The following MDN1 variants were observed in gnomAD, a reference collection of about 807,000 sequenced individuals.
MDN1 encodes midasin.
In MDN1, 266 loss-of-function variants were observed where a neutral mutation model predicts 669.2. The observed-to-expected ratio is 0.40, with a 90% CI of 0.36 to 0.44. MDN1 has a LOEUF of 0.44. MDN1 is among the 20% of genes least tolerant of loss of function. The pLI is 1.00. For missense variants in MDN1, 5,940 were observed against 6,754.0 expected (o/e 0.88, Z 4.22); for synonymous variants, 2,385 against 2,457.1 (o/e 0.97, Z 0.87).
rs541250149 is a variant in MDN1, at chr6:89,749,485, GAAAA to G, written c.3615+54_3615+57del. 37 of 1,595,266 alleles carry G rather than the reference GAAAA, an allele frequency of 2.3e-5. No homozygotes were observed. In the South Asian group the frequency reaches 3.6e-4, roughly 15 times the overall value. On this transcript the variant is annotated intron_variant, in intron 25 of 101. Transcript: ENST00000369393. ...AGTAAAAACATTTCATTCTTACTAC[GAAAA>G]ATCTACTATCTGATGTGTTAACAAA...
chr6:89,757,078 G>C (rs552053946), intron 19 of MDN1, among the ~76,000 whole-genome samples: 1 of 152,130 alleles, frequency 6.6e-6, no homozygotes, highest in Non-Finnish European at 1.5e-5. Context: ...CTTTAATGTA[G>C]TTTCTAAAGC....
chr6:89,785,368 T>G (rs1351853615), intron 8 of MDN1, among the ~76,000 whole-genome samples: 1 of 152,228 alleles, frequency 6.6e-6, no homozygotes, highest in African/African-American at 2.4e-5. Context: ...TATTTTCAAA[T>G]CACTGCAAAT....
At chr6:89,766,663 A>G (rs1266642965) in intron 15 of MDN1, among the ~76,000 whole-genome samples, 1 of 152,226 alleles carries the variant, frequency 6.6e-6, no homozygotes, top group Admixed American at 6.5e-5. Flanking sequence ...GTAAGCATTC[A>G]TGTGAGAATG....
At chr6:89,662,413 ATAT>A (rs1809864196) in intron 86 of MDN1, among the ~76,000 whole-genome samples, 174 bp from the exon 87 acceptor site, 1 of 152,172 alleles carries the variant, frequency 6.6e-6, no homozygotes, top group Non-Finnish European at 1.5e-5. Flanking sequence ...GACAGCAGCA[ATAT>A]TATTAAGTGT....
chr6:89,729,084 A>T lies in MDN1; in HGVS notation c.5196T>A (p.Thr1732=). 4 of 1,614,036 alleles carry T rather than the reference A, an allele frequency of 2.5e-6. No homozygotes were observed. The highest frequency in any genetic ancestry group is 3.4e-6 in the Non-Finnish European group (4 of 1,180,016). The change falls in exon 36 of 102, where the codon ACT becomes ACA. Residue 1732 remains threonine (T), a synonymous_variant. Coordinates refer to ENST00000369393, the MANE Select transcript of MDN1 (RefSeq NM_014611.3). ...TTAAGAGCCTCTGTGCATTCATAGC[A>T]GTGGTCCCTGCACTGAGTGCATAGT... ...IADYALSAGT[T]AMNAQRLLRA... is the part of the protein sequence containing the mutation.
In MDN1 at chr6:89,755,356, C is replaced by T. The variant is rs1414297222; in HGVS notation, c.2816+921G>A. On this transcript the variant is annotated intron_variant, in intron 20 of 101. Transcript: ENST00000369393. ...GCCAGGGGTTTAAGACCAGCCTGCACAACAAAGCAAAGCTCCTGTATCCAA... is the reference window on the plus strand; with the variant it reads ...GCCAGGGGTTTAAGACCAGCCTGCATAACAAAGCAAAGCTCCTGTATCCAA... 1.1e-4 allele frequency among the ~76,000 whole-genome samples: 13 copies of T among 115,568 alleles called. No individual in the cohort carries two copies. The Admixed American group carries it at 1.3e-3, about 12-fold the overall frequency. 75.8% of individuals were successfully genotyped at this position (115,568 alleles called of 152,430 possible).
chr6:89,785,708 ACT>A (rs1818919337), intron 8 of MDN1, among the ~76,000 whole-genome samples: 1 of 152,234 alleles, frequency 6.6e-6, no homozygotes, highest in Admixed American at 6.5e-5. Flanking sequence ...TATACACTCA[ACT>A]GTGACTGAAA....
intron 37 of MDN1, among the ~76,000 whole-genome samples, chr6:89,725,928 TATACACAC>T (rs775249682): frequency 1.4e-5 from 1 of 70,254 alleles, no homozygotes; most frequent in Admixed American, 1.9e-4. Flanking sequence ...TCTGGTATTT[TATACACAC>T]ACACACACAC....
chr6:89,744,122 A>AAAAAAAC (rs1816456156), intron 29 of MDN1, among the ~76,000 whole-genome samples: 1 of 122,532 alleles, frequency 8.2e-6, no homozygotes, highest in Non-Finnish European at 1.7e-5. Flanking sequence ...AAAAAAAAAA[A>AAAAAAAC]AAAAAAAAAC....
At chr6:89,773,555 A>AG (rs201002430) in intron 13 of MDN1, among the ~76,000 whole-genome samples, 2 of 151,088 alleles carry the variant, frequency 1.3e-5, no homozygotes, top group Admixed American at 1.3e-4. Context: ...AAAAAAAAAA[A>AG]GAAGAGAAGA....
chr6:89,666,371 T>C (rs1289355326), intron 84 of MDN1, among the ~76,000 whole-genome samples: 1 of 152,266 alleles, frequency 6.6e-6, no homozygotes, highest in Non-Finnish European at 1.5e-5. Context: ...GTTCAGGTGA[T>C]TCTCCTGCGT....
rs1221950625 is a variant in MDN1, at chr6:89,696,008, G to T, written c.9384-16C>A. 6.3e-7 allele frequency: 1 copy of T among 1,594,978 alleles called. No homozygotes were observed. Among genetic ancestry groups the T allele is most frequent in the Admixed American group, 1.7e-5 (1 of 58,894 alleles). ...ATCCGTGCGTCTGTGGGGACAAAAAGAAAGCACTGAAAGGTTTGTACTGTA... is the reference window on the plus strand; with the variant it reads ...ATCCGTGCGTCTGTGGGGACAAAAATAAAGCACTGAAAGGTTTGTACTGTA... On this transcript the variant is annotated splice_polypyrimidine_tract_variant and intron_variant, in intron 60 of 101. Coordinates refer to ENST00000369393, the MANE Select transcript of MDN1 (RefSeq NM_014611.3).
chr6:89,806,737 A>T (rs916975831), intron 1 of MDN1, among the ~76,000 whole-genome samples: 22 of 152,024 alleles, frequency 1.4e-4, no homozygotes, highest in Admixed American at 2.6e-4. Context: ...AAAAATTTTT[A>T]AAAAAAGCTT....
At chr6:89,780,372 C>A in intron 10 of MDN1, 79 bp from the exon 11 acceptor site, 2 of 848,244 alleles carry the variant, frequency 2.4e-6, no homozygotes, top group Non-Finnish European at 3.6e-6. Context: ...AATTTATTGA[C>A]CCACTTAAGT....
Position 89,706,144 on chromosome 6 carries a change from G to A in MDN1, c.8063C>T (p.Ala2688Val), listed in dbSNP as rs753406396. Residue 2688 changes from alanine (A) to valine (V), a missense_variant, in exon 53 of 102, where the codon GCT becomes GTT. Around this residue, in one of 5 missense-constraint regions of MDN1, gnomAD observed 2,292 missense variants for 2,638.3 expected, o/e 0.87. Coordinates refer to ENST00000369393, the MANE Select transcript of MDN1 (RefSeq NM_014611.3). ...TLPHEIVVNL[A>V]AFFELCDALV... ...TGCATCACAAAGTTCAAAAAAAGCA[G>A]CAAGATTGACCACAATTTCATGGGG... 2.2e-5 allele frequency: 35 copies of A among 1,613,390 alleles called. No individual in the cohort carries two copies. The Admixed American group carries it at 5.5e-4, about 25-fold the overall frequency.
At chr6:89,729,574 T>C (rs1815442398) in intron 35 of MDN1, among the ~76,000 whole-genome samples, 1 of 152,214 alleles carries the variant, frequency 6.6e-6, no homozygotes, top group African/African-American at 2.4e-5. Context: ...ATTCACACTG[T>C]GTCCTTAACC....
At chr6:89,699,459 C>T in intron 58 of MDN1, 142 bp downstream of exon 58, 1 of 803,484 alleles carries the variant, frequency 1.2e-6, no homozygotes, top group Non-Finnish European at 1.8e-6. Context: ...AAAATTCTTC[C>T]CTTTAAGAGG....
chr6:89,804,387 A>G (rs1767877993), intron 1 of MDN1, among the ~76,000 whole-genome samples: 1 of 152,150 alleles, frequency 6.6e-6, no homozygotes, highest in Non-Finnish European at 1.5e-5. Flanking sequence ...GCTGTTACAA[A>G]TAAGTTTCAG....
Position 89,658,201 on chromosome 6 carries a change from C to A in MDN1, c.15183+8G>T. On this transcript the variant is annotated splice_region_variant and intron_variant, in intron 90 of 101. Transcript: ENST00000369393. ...GCAGCTGGCGGCTGCAGTGAAACCA[C>A]TGATCACCTCTTTCCCCTGCTCCTT... The A allele has an allele frequency of 6.2e-7, 1 of 1,613,984 alleles. No individual in the cohort carries two copies. Among genetic ancestry groups the A allele is most frequent in the Non-Finnish European group, 8.5e-7 (1 of 1,179,948 alleles).
Sources: gnomAD v4.1 joint callset for allele counts (sites outside exome capture counted in the v4.1 genomes callset) on GRCh38, gnomAD v4.1.1 for gene constraint, gnomAD v4.1.1 regional missense constraint, MANE v1.5 for transcripts, NCBI Gene and HGNC (gene_info 2026-07-23, HGNC 2026-07-21) for gene names.